The following SIRT1 variants were observed in gnomAD, a reference collection of about 807,000 sequenced individuals.
The protein encoded by SIRT1 is sirtuin 1, also known as NAD-dependent protein deacetylase sirtuin-1.
A neutral mutation model predicts 67.9 loss-of-function variants in SIRT1; 24 were observed. The observed-to-expected ratio is 0.35, with a 90% CI of 0.26 to 0.50. SIRT1 has a LOEUF of 0.50. Among genes scored for constraint, SIRT1 ranks in the 20% least tolerant of loss-of-function variants. The pLI is 0.98. For synonymous variants in SIRT1, 378 were observed against 350.7 expected, an observed-to-expected ratio of 1.08 and a Z score of -0.87; for missense variants, 873 against 937.2, an observed-to-expected ratio of 0.93 and a Z score of 0.89.
At chr10:67,885,527 AC>A in intron 1 of SIRT1, 2 of 583,154 alleles carry the variant, frequency 3.4e-6, no homozygotes, top group Non-Finnish European at 4.4e-6. Flanking sequence ...TTTCTCCTCT[AC>A]CCCCCAGCAC....
At chr10:67,892,881 CG>C (rs1392022704) in intron 4 of SIRT1, among the ~76,000 whole-genome samples, 2 of 152,158 alleles carry the variant, frequency 1.3e-5, no homozygotes, top group African/African-American at 4.8e-5. Context: ...GGATTATAGG[CG>C]TGAGCCACCG....
At chr10:67,897,602 T>G (rs1470639724) in intron 4 of SIRT1, among the ~76,000 whole-genome samples, 1 of 151,962 alleles carries the variant, frequency 6.6e-6, no homozygotes, top group Non-Finnish European at 1.5e-5. Context: ...GACCTTGTGA[T>G]TCACCCACCT....
At chr10:67,891,807 G>T (rs548953999) in intron 4 of SIRT1, among the ~76,000 whole-genome samples, 2 of 152,172 alleles carry the variant, frequency 1.3e-5, no homozygotes, top group African/African-American at 4.8e-5. Flanking sequence ...AGCGATGGTC[G>T]TTATTCTGCC....
intron 4 of SIRT1, among the ~76,000 whole-genome samples, chr10:67,896,819 A>G (rs1842666050): frequency 6.8e-6 from 1 of 148,034 alleles, no homozygotes; most frequent in Non-Finnish European, 1.5e-5. Context: ...TTGTATCCCC[A>G]CCCCAAGTCC....
intron 8 of SIRT1, 57 bp from the exon 9 acceptor site, chr10:67,916,208 C>G: frequency 6.9e-7 from 1 of 1,459,748 alleles, no homozygotes; most frequent in Non-Finnish European, 9.4e-7. Context: ...TTCCAGACTG[C>G]TCAGACTGAG....
Position 67,916,703 on chromosome 10 carries a change from TA to T in SIRT1, c.*112del, listed in dbSNP as rs2029924780. ...ATAGAGCAAGGAAACCAGAAAGGTG[TA>T]ATATTTATAGGTTGGTAAAATAGAT... On this transcript the variant is annotated 3_prime_UTR_variant, in exon 9 of 9. Coordinates refer to ENST00000212015, the MANE Select transcript of SIRT1 (RefSeq NM_012238.5). The T allele has an allele frequency of 1.3e-6, 1 of 784,982 alleles. No homozygotes were observed. Among genetic ancestry groups the T allele is most frequent in the Admixed American group, 3.0e-5 (1 of 33,118 alleles). 48.6% of individuals were successfully genotyped at this position (784,982 alleles called of 1,614,324 possible). A position where few individuals can be genotyped will look rare whatever the true frequency, so the allele number is the denominator to read the frequency against.
chr10:67,912,548 C>T lies in SIRT1; in HGVS notation c.1432C>T (p.Leu478Phe). 1 of 1,614,078 alleles carries T rather than the reference C, an allele frequency of 6.2e-7. No homozygotes were observed. The highest frequency in any genetic ancestry group is 1.1e-5 in the South Asian group (1 of 91,078). The change falls in exon 8 of 9, where the codon CTT becomes TTT. Residue 478 changes from leucine to phenylalanine, a missense_variant. Physicochemically the swap from Leu to Phe is conservative, Grantham distance 22 (BLOSUM62 0). Coordinates refer to ENST00000212015, the MANE Select transcript of SIRT1 (RefSeq NM_012238.5). ...GCCTCATCTGCATTTTGATGTAGAG[C>T]TTCTTGGAGACTGTGATGTCATAAT... Reference protein sequence around the residue: ...PLPHLHFDVELLGDCDVIINE... With the variant: ...PLPHLHFDVEFLGDCDVIINE...
chr10:67,905,365 A>G lies in SIRT1; in HGVS notation c.943-1425A>G, dbSNP rs1315464258. ...TTTATTAAGCTTTTCCCTTGCTACT[A>G]TATGCACTCTCTATTTCTTAAATTG... On this transcript the variant is annotated intron_variant, in intron 4 of 8. Coordinates refer to ENST00000212015, the MANE Select transcript of SIRT1 (RefSeq NM_012238.5). 3.3e-5 allele frequency among the ~76,000 whole-genome samples: 5 copies of G among 152,340 alleles called. No homozygotes were observed. The East Asian group carries it at 5.8e-4, about 18-fold the overall frequency.
At chr10:67,905,939 T>G (rs935933680) in intron 4 of SIRT1, 4 of 238,770 alleles carry the variant, frequency 1.7e-5, no homozygotes, top group African/African-American at 9.0e-5. Context: ...GTCTAGTTTT[T>G]TGCTAGCATT....
intron 8 of SIRT1, among the ~76,000 whole-genome samples, chr10:67,915,991 A>T (rs1012684374): frequency 2.6e-5 from 4 of 152,138 alleles, no homozygotes; most frequent in East Asian, 1.9e-4. Context: ...GCTTGTATTT[A>T]TTTAATTAAT....
intron 2 of SIRT1, among the ~76,000 whole-genome samples, chr10:67,888,581 G>A (rs1842522085): frequency 1.3e-5 from 2 of 151,856 alleles, no homozygotes; most frequent in Non-Finnish European, 2.9e-5. Context: ...AAATACTTTT[G>A]GTATTATGGT....
rs922634976 is a variant in SIRT1, at chr10:67,912,025, A to G, written c.1358-449A>G. On this transcript the variant is annotated intron_variant, in intron 7 of 8. Transcript: ENST00000212015. ...GTGATCCGCCTGCCTCGGCCTCCCA[A>G]AGTGCTGGGATTACAGGCGTGAGCC... 3.3e-5 allele frequency among the ~76,000 whole-genome samples: 5 copies of G among 152,118 alleles called. No homozygotes were observed. In the East Asian group the frequency reaches 5.8e-4, roughly 18 times the overall value.
chr10:67,908,188 A>G, intron 6 of SIRT1, 63 bp downstream of exon 6: 1 of 1,417,302 alleles, frequency 7.1e-7, no homozygotes, highest in East Asian at 2.3e-5. Flanking sequence ...CTTTTGCCTC[A>G]AAATCCTTTT....
intron 1 of SIRT1, 133 bp downstream of exon 1, chr10:67,885,284 C>T (rs1050630790): frequency 5.6e-6 from 7 of 1,243,226 alleles, no homozygotes; most frequent in Admixed American, 4.2e-5. Flanking sequence ...CCCGGCCCTC[C>T]GTTCAGCCGC....
chr10:67,892,380 G>C (rs1842587318), intron 4 of SIRT1, among the ~76,000 whole-genome samples: 1 of 152,034 alleles, frequency 6.6e-6, no homozygotes, highest in Non-Finnish European at 1.5e-5. Flanking sequence ...AGACCAGCCT[G>C]AGCAACATAA....
At chr10:67,910,701 T>C (rs1233154109) in intron 7 of SIRT1, among the ~76,000 whole-genome samples, 3 of 152,206 alleles carry the variant, frequency 2.0e-5, no homozygotes, top group African/African-American at 7.2e-5. Context: ...AACGGTGATA[T>C]GTCGATATAG....
At position 67,912,759 on chromosome 10, in the gene SIRT1, A is replaced by G. The variant is rs1007238332; in HGVS notation, c.1643A>G (p.Asp548Gly). The change falls in exon 8 of 9, where the codon GAT becomes GGT. Residue 548 changes from aspartate to glycine, a missense_variant. Transcript: ENST00000212015. ...TCACCAGAAAGAACTTCACCACCAG[A>G]TTCTTCAGTGATTGTCACACTTTTA... ...SSSPERTSPP[D>G]SSVIVTLLDQ... The G allele has an allele frequency of 6.2e-7, 1 of 1,614,142 alleles. No individual in the cohort carries two copies. The highest frequency in any genetic ancestry group is 1.3e-5 in the African/African-American group (1 of 75,050).
At chr10:67,907,946 C>T in intron 5 of SIRT1, 100 bp from the exon 6 acceptor site, 1 of 966,152 alleles carries the variant, frequency 1.0e-6, no homozygotes, top group Non-Finnish European at 1.5e-6. Flanking sequence ...ATCCTTAAAC[C>T]CTCTTAACAT....
intron 3 of SIRT1, among the ~76,000 whole-genome samples, chr10:67,891,044 CAA>C (rs535108082): frequency 3.2e-5 from 4 of 126,086 alleles, no homozygotes; most frequent in African/African-American, 1.2e-4. Flanking sequence ...AAAAAAAAAA[CAA>C]AAAAAAAAAG....
Sources: allele counts gnomAD v4.1 joint callset (sites outside exome capture counted in the v4.1 genomes callset), GRCh38; gene constraint gnomAD v4.1.1; transcripts MANE v1.5; gene names NCBI Gene and HGNC (gene_info 2026-07-23, HGNC 2026-07-21).